CNTNAP2: variants seen among roughly 807,000 people sequenced by gnomAD.
The protein encoded by CNTNAP2 is contactin associated protein 2, also known as contactin-associated protein-like 2.
A neutral mutation model predicts 155.2 loss-of-function variants in CNTNAP2; 98 were observed. The observed-to-expected ratio is 0.63, with a 90% CI of 0.54 to 0.75. The LOEUF (loss-of-function observed/expected upper bound fraction) is 0.75, where lower values mean the gene tolerates loss of function less well. Among genes scored for constraint, CNTNAP2 ranks in the 30% least tolerant of loss-of-function variants. The probability of loss-of-function intolerance (pLI) is 0.00; values close to 1 mark genes in which losing one functional copy is unlikely to be tolerated. For missense variants in CNTNAP2, 1,727 were observed against 1,688.1 expected, an observed-to-expected ratio of 1.02 and a Z score of -0.40; for synonymous variants, 651 against 631.2, an observed-to-expected ratio of 1.03 and a Z score of -0.47.
chr7:146,630,953 G>T (rs1397229966), intron 1 of CNTNAP2, among the ~76,000 whole-genome samples: 1 of 152,116 alleles, frequency 6.6e-6, no homozygotes, highest in Non-Finnish European at 1.5e-5. Context: ...TAGATAGGAA[G>T]AATCAATATT....
chr7:147,165,168 ATTTTT>A (rs11377733), intron 8 of CNTNAP2, among the ~76,000 whole-genome samples: 1 of 151,346 alleles, frequency 6.6e-6, no homozygotes, highest in Non-Finnish European at 1.5e-5. Flanking sequence ...GTATTTTTTG[ATTTTT>A]TTTTCTTTAT....
intron 1 of CNTNAP2, among the ~76,000 whole-genome samples, chr7:146,662,007 G>A (rs989362759): frequency 1.3e-5 from 2 of 151,960 alleles, no homozygotes; most frequent in Non-Finnish European, 2.9e-5. Context: ...TAGGTGTAGT[G>A]TTTTTTTAAT....
At chr7:147,282,328 T>G (rs1316708825) in intron 8 of CNTNAP2, among the ~76,000 whole-genome samples, 1 of 151,912 alleles carries the variant, frequency 6.6e-6, no homozygotes, top group Non-Finnish European at 1.5e-5. Context: ...CAAACTTGAC[T>G]TATATCCCCA....
At chr7:147,602,203 G>A (rs996510120) in intron 12 of CNTNAP2, among the ~76,000 whole-genome samples, 1 of 151,810 alleles carries the variant, frequency 6.6e-6, no homozygotes, top group Non-Finnish European at 1.5e-5. Flanking sequence ...GCTACCTGTT[G>A]AACTAGATGA....
chr7:146,416,352 G>T (rs908082902), intron 1 of CNTNAP2, among the ~76,000 whole-genome samples: 2 of 151,696 alleles, frequency 1.3e-5, no homozygotes, highest in Admixed American at 6.6e-5. Flanking sequence ...ATTTTGACCT[G>T]CTCCATTTCC....
At chr7:146,836,478 C>A (rs1404820727) in intron 2 of CNTNAP2, among the ~76,000 whole-genome samples, 1 of 152,094 alleles carries the variant, frequency 6.6e-6, no homozygotes, top group African/African-American at 2.4e-5. Flanking sequence ...GACCCTTGAT[C>A]TAGGGTTTGC....
intron 10 of CNTNAP2, among the ~76,000 whole-genome samples, chr7:147,402,963 A>G (rs1319715930): frequency 3.4e-5 from 5 of 147,406 alleles, no homozygotes; most frequent in Admixed American, 6.8e-5. Context: ...AAAAAAAAAA[A>G]AAAAAAAACT....
chr7:148,188,329 G>A (rs979915727), intron 18 of CNTNAP2, among the ~76,000 whole-genome samples: 3 of 152,200 alleles, frequency 2.0e-5, no homozygotes, highest in Non-Finnish European at 4.4e-5. Context: ...GAATTGAAAT[G>A]GCCAAGTCCT....
intron 8 of CNTNAP2, among the ~76,000 whole-genome samples, chr7:147,230,321 G>A (rs192420839): frequency 4.6e-5 from 7 of 152,042 alleles, no homozygotes; most frequent in African/African-American, 1.2e-4. Flanking sequence ...AGAGTGGTGC[G>A]ATCTCAGCTC....
intron 3 of CNTNAP2, among the ~76,000 whole-genome samples, chr7:146,859,411 C>T (rs1156597753): frequency 6.6e-6 from 1 of 152,160 alleles, no homozygotes; most frequent in African/African-American, 2.4e-5. Context: ...AGTCCCAGCA[C>T]TTTGGGAGGC....
At chr7:147,019,699 C>T (rs1382166315) in intron 3 of CNTNAP2, among the ~76,000 whole-genome samples, 1 of 151,870 alleles carries the variant, frequency 6.6e-6, no homozygotes, top group Non-Finnish European at 1.5e-5. Flanking sequence ...ATGGTTAGTC[C>T]CTAGTCAACA....
intron 1 of CNTNAP2, among the ~76,000 whole-genome samples, chr7:146,122,050 T>A (rs1797570971): frequency 6.6e-6 from 1 of 152,180 alleles, no homozygotes; most frequent in Non-Finnish European, 1.5e-5. Context: ...AACAGTTCAT[T>A]TTATGGGAAG....
chr7:147,286,693 T>G (rs1400233666), intron 8 of CNTNAP2, among the ~76,000 whole-genome samples: 1 of 152,140 alleles, frequency 6.6e-6, no homozygotes, highest in Non-Finnish European at 1.5e-5. Context: ...TCAGGATTCA[T>G]AGTTTTCATT....
intron 3 of CNTNAP2, among the ~76,000 whole-genome samples, chr7:146,877,868 A>AT (rs1473342470): frequency 6.6e-6 from 1 of 152,056 alleles, no homozygotes; most frequent in Non-Finnish European, 1.5e-5. Context: ...ACTATGAATT[A>AT]TTTTCACTAA....
chr7:147,448,540 A>G (rs1367296617), intron 10 of CNTNAP2, among the ~76,000 whole-genome samples: 1 of 151,332 alleles, frequency 6.6e-6, no homozygotes, highest in East Asian at 1.9e-4. Context: ...AAATTTTACT[A>G]GAAATACTGA....
At chr7:147,209,771 A>G (rs1803105625) in intron 8 of CNTNAP2, among the ~76,000 whole-genome samples, 1 of 151,768 alleles carries the variant, frequency 6.6e-6, no homozygotes, top group Non-Finnish European at 1.5e-5. Flanking sequence ...GATGCCTAGT[A>G]TGTTGAGGGT....
intron 1 of CNTNAP2, among the ~76,000 whole-genome samples, chr7:146,180,729 G>A (rs190749948): frequency 1.0e-3 from 154 of 152,130 alleles, no homozygotes; most frequent in East Asian, 7.7e-4. Context: ...TCAATTTGCC[G>A]TAATGTAATC....
At chr7:146,912,081 T>C (rs1796295143) in intron 3 of CNTNAP2, among the ~76,000 whole-genome samples, 1 of 151,378 alleles carries the variant, frequency 6.6e-6, no homozygotes, top group Non-Finnish European at 1.5e-5. Context: ...ATGTATTGGG[T>C]CCTGAATCAC....
chr7:148,155,863 C>T (rs575338173), intron 17 of CNTNAP2, among the ~76,000 whole-genome samples: 120 of 152,266 alleles, frequency 7.9e-4, no homozygotes, highest in South Asian at 1.7e-3. Flanking sequence ...ACTGAGATGA[C>T]CCTGTGGCCC....
Sources: allele counts gnomAD v4.1 joint callset (sites outside exome capture counted in the v4.1 genomes callset), GRCh38; gene constraint gnomAD v4.1.1; transcripts MANE v1.5; gene names NCBI Gene and HGNC (gene_info 2026-07-23, HGNC 2026-07-21).